The following PWWP3A variants were observed in gnomAD, a reference collection of about 807,000 sequenced individuals.
PWWP3A encodes the protein PWWP domain containing 3A, DNA repair factor, also known as PWWP domain-containing DNA repair factor 3A.
Under a neutral mutation model 79.0 loss-of-function variants are expected in PWWP3A, and 53 were observed. That is an observed-to-expected ratio of 0.67 (90% CI 0.54 to 0.84). The LOEUF (loss-of-function observed/expected upper bound fraction) is 0.84, where lower values mean the gene tolerates loss of function less well. PWWP3A is among the 40% of genes least tolerant of loss of function. The pLI, the probability that PWWP3A is intolerant of heterozygous loss-of-function variation, is 0.00. For missense variants in PWWP3A, 973 were observed against 948.0 expected (o/e 1.03, Z -0.35); for synonymous variants, 443 against 394.4 (o/e 1.12, Z -1.46).
chr19:1,358,060 AT>A (rs1445485299), intron 3 of PWWP3A: 2 of 279,858 alleles, frequency 7.1e-6, no homozygotes, highest in Non-Finnish European at 1.3e-5. Flanking sequence ...TTTTAGTGAC[AT>A]TACCATCTAC....
intron 7 of PWWP3A, among the ~76,000 whole-genome samples, chr19:1,365,220 G>T (rs1396136509): frequency 6.6e-6 from 1 of 152,250 alleles, no homozygotes; most frequent in Admixed American, 6.5e-5. Context: ...TTGTGGTGGG[G>T]TTGGTTGCAT....
In PWWP3A at chr19:1,369,446, C is replaced by T. The variant is rs566305168; in HGVS notation, c.1498+106C>T. ...GCTGCCTGGAGGCGGGGCATATTTC[C>T]GTGGGCCTGGGGCATTCCCTGTGGG... On this transcript the variant is annotated intron_variant, in intron 10 of 13. Transcript: ENST00000591337. The surrounding 1 kb of genome is among the most constrained non-coding windows in gnomAD (Gnocchi z 4.0). The T allele has an allele frequency of 3.2e-4, 475 of 1,495,944 alleles. 4 individuals are homozygous for T. In the South Asian group the frequency reaches 3.9e-3, roughly 12 times the overall value. The allele number at this position is 1,495,944 out of a possible 1,614,324, so 92.7% of individuals were successfully genotyped here. A position where few individuals can be genotyped will look rare whatever the true frequency, so the allele number is the denominator to read the frequency against.
chr19:1,369,710 T>C lies in PWWP3A; in HGVS notation c.1549+64T>C. 2 of 1,558,092 alleles carry C rather than the reference T, an allele frequency of 1.3e-6. No homozygotes were observed. Among genetic ancestry groups the C allele is most frequent in the Admixed American group, 3.3e-5 (2 of 59,974 alleles). The stretch of plus-strand genomic sequence containing the variant: ...TTTTAGCCCTTTAGAAAAACAATCT[T>C]CTATGTCTGAAGCTGTGGAAGGGGA... On this transcript the variant is annotated intron_variant, in intron 11 of 13. Transcript: ENST00000591337. The surrounding 1 kb of genome is among the most constrained non-coding windows in gnomAD (Gnocchi z 4.0).
Position 1,355,111 on chromosome 19 carries a change from C to A in PWWP3A, c.-94C>A, listed in dbSNP as rs1415266875. On this transcript the variant is annotated 5_prime_UTR_variant, in exon 1 of 14. Coordinates refer to ENST00000591337, the MANE Select transcript of PWWP3A (RefSeq NM_001369789.1). ...GCCTCCTTGCCCGGGCTTGGGGCGC[C>A]GCGCTGGGGAAAGCCGGGGGCCCGG... is the stretch of plus-strand genomic sequence containing the variant. The A allele has an allele frequency of 6.6e-6, 1 of 152,218 alleles. No homozygotes were observed. The highest frequency in any genetic ancestry group is 1.5e-5 in the Non-Finnish European group (1 of 67,814). 9.4% of individuals were successfully genotyped at this position (152,218 alleles called of 1,614,324 possible). A position where few individuals can be genotyped will look rare whatever the true frequency, so the allele number is the denominator to read the frequency against.
intron 13 of PWWP3A, chr19:1,373,455 C>T (rs746114669): frequency 4.7e-6 from 2 of 429,158 alleles, no homozygotes; most frequent in Non-Finnish European, 8.5e-6. Flanking sequence ...CTGATGTTTG[C>T]TTTTTGCACT....
In PWWP3A at chr19:1,368,444, G is replaced by C. The variant is rs1384390459; in HGVS notation, c.1423-821G>C. Reference sequence around the variant, plus strand: ...ACTTGATTCAGTGGTAGTCACCGTGGCTTCTGAGGGATGATATTGGGGAAG... The same window carrying C: ...ACTTGATTCAGTGGTAGTCACCGTGCCTTCTGAGGGATGATATTGGGGAAG... On this transcript the variant is annotated intron_variant, in intron 9 of 13. Transcript: ENST00000591337. This position sits in a 1 kb window ranked among gnomAD's most constrained non-coding sequence, Gnocchi z 4.7. Among the ~76,000 whole-genome samples the C allele has an allele frequency of 6.6e-6, 1 of 152,174 alleles. No homozygotes were observed. Among genetic ancestry groups the C allele is most frequent in the Non-Finnish European group, 1.5e-5 (1 of 68,034 alleles).
chr19:1,369,137 G>A lies in PWWP3A; in HGVS notation c.1423-128G>A, dbSNP rs750733695. On this transcript the variant is annotated intron_variant, in intron 9 of 13. Coordinates refer to ENST00000591337, the MANE Select transcript of PWWP3A (RefSeq NM_001369789.1). The surrounding 1 kb of genome is among the most constrained non-coding windows in gnomAD (Gnocchi z 4.0). ...GCCAGAGCCCCCTTTGTCAGGGAGGGTCAGAGGTGCGGGCTGGAGCGTGAG... is the reference window on the plus strand; with the variant it reads ...GCCAGAGCCCCCTTTGTCAGGGAGGATCAGAGGTGCGGGCTGGAGCGTGAG... The A allele has an allele frequency of 7.1e-5, 55 of 773,038 alleles. No individual in the cohort carries two copies. The highest frequency in any genetic ancestry group is 1.1e-4 in the Non-Finnish European group (51 of 456,062). 47.9% of individuals were successfully genotyped at this position (773,038 alleles called of 1,614,324 possible). A position where few individuals can be genotyped will look rare whatever the true frequency, so the allele number is the denominator to read the frequency against.
At chr19:1,362,145 C>A in intron 5 of PWWP3A, 105 bp from the exon 6 acceptor site, 1 of 886,512 alleles carries the variant, frequency 1.1e-6, no homozygotes, top group East Asian at 2.7e-5. Flanking sequence ...TAGCATGGAA[C>A]CTTTTCTTTA....
At chr19:1,359,609 A>T (rs978686989) in intron 4 of PWWP3A, 2 of 152,216 alleles carry the variant, frequency 1.3e-5, no homozygotes, top group Admixed American at 6.6e-5. Context: ...CCAGAGGCCC[A>T]CGATGCTCTT....
chr19:1,374,174 A>G (rs1257352977), intron 13 of PWWP3A: 1 of 151,740 alleles, frequency 6.6e-6, no homozygotes, highest in Non-Finnish European at 1.5e-5. Context: ...ATCTGTGGAA[A>G]TCTTTCATCC....
chr19:1,371,805 C>CTTTTTTTTT (rs1237018248), intron 12 of PWWP3A, among the ~76,000 whole-genome samples: 1 of 127,712 alleles, frequency 7.8e-6, no homozygotes, highest in Non-Finnish European at 1.7e-5. Flanking sequence ...AACCCTCAAG[C>CTTTTTTTTT]TTTTTTTTTT....
chr19:1,371,559 A>T (rs1300195864), intron 12 of PWWP3A: 6 of 607,080 alleles, frequency 9.9e-6, no homozygotes, highest in Non-Finnish European at 1.8e-5. Context: ...GTGATTTCGA[A>T]CTTCAGCTGC....
In PWWP3A at chr19:1,378,357, A is replaced by G. The variant is rs1490157276; in HGVS notation, c.*1781A>G. On this transcript the variant is annotated 3_prime_UTR_variant, in exon 14 of 14. Transcript: ENST00000591337. Reference sequence around the variant, plus strand: ...TGATGGAACTTTTCTGCTGTTGTGAAGTACTTTTATCCATTTGCTTCTCTG... The same window carrying G: ...TGATGGAACTTTTCTGCTGTTGTGAGGTACTTTTATCCATTTGCTTCTCTG... The G allele has an allele frequency of 6.6e-6, 1 of 152,282 alleles. No individual in the cohort carries two copies. The highest frequency in any genetic ancestry group is 1.9e-4 in the East Asian group (1 of 5,194). The allele number at this position is 152,282 out of a possible 1,614,324, so 9.4% of individuals were successfully genotyped here. A position where few individuals can be genotyped will look rare whatever the true frequency, so the allele number is the denominator to read the frequency against.
At chr19:1,375,526 A>T (rs1360799734) in intron 13 of PWWP3A, among the ~76,000 whole-genome samples, 17 of 110,944 alleles carry the variant, frequency 1.5e-4, no homozygotes, top group South Asian at 2.7e-4. Flanking sequence ...AAAATCATAT[A>T]ATTTATATAT....
In PWWP3A at chr19:1,364,563, C is replaced by T; in HGVS notation, c.1268C>T (p.Pro423Leu). Residue 423 changes from proline to leucine, a missense_variant, in exon 7 of 14, where the codon CCC (proline) becomes CTC (leucine). By Grantham distance (98) the Pro-to-Leu change is moderately conservative. Coordinates refer to ENST00000591337, the MANE Select transcript of PWWP3A (RefSeq NM_001369789.1). ...MLVWHKHKKYPFWPAVVKSVR... is the reference protein window; with the variant it reads ...MLVWHKHKKYLFWPAVVKSVR... ...GTCTGGCATAAACATAAAAAATACC[C>T]CTTCTGGCCAGCAGTGGTAAGAACA... 3 of 1,608,164 alleles carry T rather than the reference C, an allele frequency of 1.9e-6. No homozygotes were observed. Among genetic ancestry groups the T allele is most frequent in the Non-Finnish European group, 2.5e-6 (3 of 1,178,118 alleles).
chr19:1,360,734 C>A lies in PWWP3A; in HGVS notation c.813C>A (p.His271Gln). ...EDDPCANAEG[H>Q]DPGLPLGSLT... ...ATCCCTGTGCCAACGCTGAGGGACA[C>A]GACCCCGGTCTGCCGTTGGGCAGCC... The change falls in exon 5 of 14, where the codon CAC becomes CAA. Residue 271 changes from histidine (H) to glutamine (Q), a missense_variant. Transcript: ENST00000591337. This position sits in a 1 kb window ranked among gnomAD's most constrained non-coding sequence, Gnocchi z 4.4. 1 of 1,612,790 alleles carries A rather than the reference C, an allele frequency of 6.2e-7. No individual in the cohort carries two copies. The highest frequency in any genetic ancestry group is 1.1e-5 in the South Asian group (1 of 91,032).
Position 1,376,636 on chromosome 19 carries a change from G to A in PWWP3A, c.*60G>A, listed in dbSNP as rs893707415. ...CGGTGGAAGCGCCTCCAGTGTGCAT[G>A]AGCGTGTCTGAAGATGGGGGGCTCA... On this transcript the variant is annotated 3_prime_UTR_variant, in exon 14 of 14. Transcript: ENST00000591337. The A allele has an allele frequency of 1.3e-5, 20 of 1,564,936 alleles. No individual in the cohort carries two copies. The highest frequency in any genetic ancestry group is 1.6e-5 in the Non-Finnish European group (18 of 1,141,130).
chr19:1,369,534 A>T lies in PWWP3A; in HGVS notation c.1499-62A>T. ...ACAGAGACGCCGGGCCAGCCCCTGG[A>T]ACACACTTCCTGGGACTCCTCTTAG... On this transcript the variant is annotated intron_variant, in intron 10 of 13. Coordinates refer to ENST00000591337, the MANE Select transcript of PWWP3A (RefSeq NM_001369789.1). This position sits in a 1 kb window ranked among gnomAD's most constrained non-coding sequence, Gnocchi z 4.0. The T allele has an allele frequency of 6.3e-7, 1 of 1,595,054 alleles. No individual in the cohort carries two copies. The highest frequency in any genetic ancestry group is 8.6e-7 in the Non-Finnish European group (1 of 1,163,048).
At chr19:1,365,533 C>A (rs554956166) in intron 7 of PWWP3A, among the ~76,000 whole-genome samples, 2 of 152,232 alleles carry the variant, frequency 1.3e-5, no homozygotes, top group Admixed American at 1.3e-4. Flanking sequence ...TCCGGGAAAC[C>A]GGGGATTGAA....
Sources: allele counts gnomAD v4.1 joint callset (sites outside exome capture counted in the v4.1 genomes callset), GRCh38; gene constraint gnomAD v4.1.1; non-coding constraint Gnocchi (gnomAD v3.1); transcripts MANE v1.5; gene names NCBI Gene and HGNC (gene_info 2026-07-23, HGNC 2026-07-21).